Variants in CYTH3 observed in about 807,000 individuals in gnomAD.
CYTH3 encodes cytohesin 3, also known as cytohesin-3.
Under a neutral mutation model 55.1 loss-of-function variants are expected in CYTH3, and 23 were observed. The observed-to-expected ratio is 0.42, with a 90% CI of 0.30 to 0.59. CYTH3 has a LOEUF of 0.59. CYTH3 is among the 20% of genes least tolerant of loss of function. The pLI is 0.20. For synonymous variants in CYTH3, 249 were observed against 194.9 expected, an observed-to-expected ratio of 1.28 and a Z score of -2.31; for missense variants, 413 against 524.8, an observed-to-expected ratio of 0.79 and a Z score of 2.08.
At chr7:6,259,772 T>TATAATATATATATATATATATAA in intron 1 of CYTH3, among the ~76,000 whole-genome samples, 1 of 30,502 alleles carries the variant, frequency 3.3e-5, no homozygotes, top group East Asian at 1.3e-3. Context: ...TATATATATA[T>TATAATATATATATATATATATAA]TATATATATA....
At position 6,162,717 on chromosome 7, in the gene CYTH3, C is replaced by T. The variant is rs187587439; in HGVS notation, c.*2227G>A. The T allele has an allele frequency of 2.0e-5, 3 of 152,398 alleles. No individual in the cohort carries two copies. The highest frequency in any genetic ancestry group is 1.9e-4 in the East Asian group (1 of 5,192). The allele number at this position is 152,398 out of a possible 1,614,324, so 9.4% of individuals were successfully genotyped here. On this transcript the variant is annotated 3_prime_UTR_variant, in exon 13 of 13. Transcript: ENST00000350796. ...TGGCTCCCAGGTGCCCACCACCTGG[C>T]GAAGCTCATTCACAGATGACAGCAA...
Position 6,238,330 on chromosome 7 carries a change from C to T in CYTH3, c.34+34144G>A, listed in dbSNP as rs79931176. Among the ~76,000 whole-genome samples, 940 of 152,122 alleles carry T rather than the reference C, an allele frequency of 6.2e-3. 9 individuals are homozygous for T. Among genetic ancestry groups the T allele is most frequent in the African/African-American group, 0.021 (891 of 41,476 alleles). On this transcript the variant is annotated intron_variant, in intron 1 of 12. Transcript: ENST00000350796. ...TCCTCCCTACAGGTTTAAACAATTT[C>T]TACTAAAGGAAATGATTTACTCCTC... is the stretch of plus-strand genomic sequence containing the variant.
intron 1 of CYTH3, among the ~76,000 whole-genome samples, chr7:6,249,100 C>A (rs1008242560): frequency 6.6e-6 from 1 of 152,164 alleles, no homozygotes; most frequent in Admixed American, 6.5e-5. Flanking sequence ...TTTAAAAATG[C>A]GATGAAGCTA....
chr7:6,181,387 G>A (rs1420054231), intron 4 of CYTH3, among the ~76,000 whole-genome samples: 1 of 152,186 alleles, frequency 6.6e-6, no homozygotes, highest in African/African-American at 2.4e-5. Context: ...TCTTGTGAGT[G>A]ACAGGACAGA....
intron 1 of CYTH3, among the ~76,000 whole-genome samples, chr7:6,206,191 CCAAA>C (rs1784183963): frequency 6.6e-6 from 1 of 152,000 alleles, no homozygotes; most frequent in Admixed American, 6.5e-5. Context: ...CACAAATAGC[CCAAA>C]CAACCTAAAT....
chr7:6,259,772 T>TATATATATAATATATATATATAA, intron 1 of CYTH3, among the ~76,000 whole-genome samples: 1 of 30,502 alleles, frequency 3.3e-5, no homozygotes, highest in Admixed American at 6.0e-4. Flanking sequence ...TATATATATA[T>TATATATATAATATATATATATAA]TATATATATA....
At chr7:6,172,912 G>C in intron 6 of CYTH3, 2 of 1,215,096 alleles carry the variant, frequency 1.6e-6, no homozygotes, top group Non-Finnish European at 2.1e-6. Context: ...GTCTGCAGTT[G>C]AGGTAAGGCC....
intron 11 of CYTH3, 59 bp from the exon 12 acceptor site, chr7:6,165,486 G>T: frequency 6.2e-7 from 1 of 1,609,754 alleles, no homozygotes; most frequent in Non-Finnish European, 8.5e-7. Flanking sequence ...TTCCCTGCAG[G>T]CAGTGAGGAT....
chr7:6,194,513 G>C (rs913617096), intron 1 of CYTH3, among the ~76,000 whole-genome samples: 2 of 152,158 alleles, frequency 1.3e-5, no homozygotes, highest in Admixed American at 1.3e-4. Flanking sequence ...AATCTCACCA[G>C]ACTGTGACCT....
At position 6,179,921 on chromosome 7, in the gene CYTH3, C is replaced by CCACACACACA. The variant is rs746252535; in HGVS notation, c.250-1990_250-1981dup. ...CCACACACAACCACACACACACAAA[C>CCACACACACA]CACACACACACACACACACACACAG... On this transcript the variant is annotated intron_variant, in intron 4 of 12. Coordinates refer to ENST00000350796, the MANE Select transcript of CYTH3 (RefSeq NM_004227.4). 2.1e-5 allele frequency among the ~76,000 whole-genome samples: 3 copies of CCACACACACA among 141,788 alleles called. No individual in the cohort carries two copies. In the South Asian group the frequency reaches 6.7e-4, roughly 32 times the overall value. 93.0% of individuals were successfully genotyped at this position (141,788 alleles called of 152,430 possible).
chr7:6,210,950 G>T (rs1784307170), intron 1 of CYTH3, among the ~76,000 whole-genome samples: 1 of 152,174 alleles, frequency 6.6e-6, no homozygotes, highest in Admixed American at 6.5e-5. Flanking sequence ...ATCACAAAAT[G>T]GAGAAATCGA....
At chr7:6,212,122 T>G (rs935264425) in intron 1 of CYTH3, among the ~76,000 whole-genome samples, 14 of 152,152 alleles carry the variant, frequency 9.2e-5, no homozygotes, top group African/African-American at 3.4e-4. Context: ...ACTCTCTATC[T>G]CCATGAGTTC....
At position 6,264,517 on chromosome 7, in the gene CYTH3, C is replaced by G. The variant is rs554598333; in HGVS notation, c.34+7957G>C. Among the ~76,000 whole-genome samples, 16 of 152,232 alleles carry G rather than the reference C, an allele frequency of 1.1e-4. No homozygotes were observed. The South Asian group carries it at 3.3e-3, about 32-fold the overall frequency. The stretch of plus-strand genomic sequence containing the variant: ...ATCCCAGCTACTCGGAAGGCTGAGG[C>G]AGAAGAATCGCTTGCACCCAGGAGA... On this transcript the variant is annotated intron_variant, in intron 1 of 12. Transcript: ENST00000350796.
intron 4 of CYTH3, among the ~76,000 whole-genome samples, chr7:6,185,491 TCG>T (rs1336481082): frequency 1.3e-5 from 2 of 152,000 alleles, no homozygotes; most frequent in African/African-American, 2.4e-5. Context: ...GGTCAGGAGA[TCG>T]AGACCATCCT....
chr7:6,173,832 C>G, intron 5 of CYTH3, 99 bp from the exon 6 acceptor site: 2 of 740,508 alleles, frequency 2.7e-6, no homozygotes, highest in Non-Finnish European at 4.9e-6. Context: ...CGTTCATGCA[C>G]AAGTTTCTGC....
At chr7:6,183,511 T>C (rs960909527) in intron 4 of CYTH3, among the ~76,000 whole-genome samples, 1 of 152,222 alleles carries the variant, frequency 6.6e-6, no homozygotes, top group Non-Finnish European at 1.5e-5. Context: ...GTACTACTTC[T>C]AGAAATAATG....
At chr7:6,257,318 CATTT>C (rs536644855) in intron 1 of CYTH3, among the ~76,000 whole-genome samples, 112 of 152,284 alleles carry the variant, frequency 7.4e-4, no homozygotes, top group Non-Finnish European at 2.6e-4. Context: ...AAACTGAATT[CATTT>C]GTCTGATCCT....
At chr7:6,235,613 C>T (rs1404555025) in intron 1 of CYTH3, among the ~76,000 whole-genome samples, 2 of 152,122 alleles carry the variant, frequency 1.3e-5, no homozygotes, top group African/African-American at 4.8e-5. Flanking sequence ...AGAAACCTAC[C>T]ACGGGTTCTT....
intron 1 of CYTH3, among the ~76,000 whole-genome samples, chr7:6,221,468 G>A (rs1311287264): frequency 2.0e-5 from 3 of 152,170 alleles, no homozygotes; most frequent in African/African-American, 4.8e-5. Context: ...TAACTTTGTG[G>A]TGATGGAACA....
Sources: gnomAD v4.1 joint callset for allele counts (sites outside exome capture counted in the v4.1 genomes callset) on GRCh38, gnomAD v4.1.1 for gene constraint, MANE v1.5 for transcripts, NCBI Gene and HGNC (gene_info 2026-07-23, HGNC 2026-07-21) for gene names.